SOS2: variants seen among roughly 807,000 people sequenced by gnomAD.
SOS2 encodes the protein son of sevenless homolog 2.
In SOS2, 65 loss-of-function variants were observed where a neutral mutation model predicts 148.2. The observed-to-expected ratio is 0.44, with a 90% confidence interval of 0.36 to 0.54. The LOEUF (loss-of-function observed/expected upper bound fraction) is 0.54. Among genes scored for constraint, SOS2 ranks in the 20% least tolerant of loss-of-function variants. The pLI is 0.00. For missense variants in SOS2, 1,341 were observed against 1,590.2 expected (o/e 0.84, Z 2.67); for synonymous variants, 539 against 537.1 (o/e 1.00, Z -0.05).
intron 7 of SOS2, among the ~76,000 whole-genome samples, chr14:50,178,670 G>GTGTGTGTATA (rs1566839555): frequency 4.4e-5 from 3 of 67,964 alleles, no homozygotes; most frequent in African/African-American, 1.2e-4. Context: ...GTGTGTGTGT[G>GTGTGTGTATA]CATATATATA....
At chr14:50,138,120 C>T (rs565167639) in intron 18 of SOS2, among the ~76,000 whole-genome samples, 24 of 150,136 alleles carry the variant, frequency 1.6e-4, no homozygotes, top group African/African-American at 4.6e-4. Flanking sequence ...TGATTACAGG[C>T]GTGAGCCACC....
At chr14:50,184,408 C>T (rs892199986) in intron 5 of SOS2, among the ~76,000 whole-genome samples, 1 of 152,092 alleles carries the variant, frequency 6.6e-6, no homozygotes, top group Non-Finnish European at 1.5e-5. Flanking sequence ...GCCCCTAAAA[C>T]GCTAAGAATA....
At chr14:50,194,453 A>ATTTT (rs58933204) in intron 4 of SOS2, among the ~76,000 whole-genome samples, 17 of 98,736 alleles carry the variant, frequency 1.7e-4, no homozygotes, top group African/African-American at 6.4e-4. Flanking sequence ...ATCCCTTTCA[A>ATTTT]TTTTTTTTTT....
intron 16 of SOS2, among the ~76,000 whole-genome samples, chr14:50,142,463 A>T (rs530756211): frequency 5.3e-5 from 8 of 152,348 alleles, no homozygotes; most frequent in South Asian, 4.1e-4. Flanking sequence ...TAAATAAATA[A>T]TGTTAAAAGA....
chr14:50,117,372 A>G lies in SOS2; in HGVS notation c.*972T>C, dbSNP rs1021629456. The G allele has an allele frequency of 1.3e-5, 2 of 152,210 alleles. No homozygotes were observed. Among genetic ancestry groups the G allele is most frequent in the Non-Finnish European group, 2.9e-5 (2 of 68,038 alleles). The allele number at this position is 152,210 out of a possible 1,614,324, so 9.4% of individuals were successfully genotyped here. On this transcript the variant is annotated 3_prime_UTR_variant, in exon 23 of 23. Transcript: ENST00000216373. ...AAGCTTTAAGTATTTGCTGGTTTAA[A>G]TATTACCAATCTAAAAAATATATTT...
chr14:50,155,059 A>G (rs1884771724), intron 12 of SOS2, among the ~76,000 whole-genome samples: 1 of 151,192 alleles, frequency 6.6e-6, no homozygotes, highest in Non-Finnish European at 1.5e-5. Context: ...AAATTCATAC[A>G]AAAAAATGAA....
At chr14:50,221,214 T>C (rs1342223701) in intron 1 of SOS2, among the ~76,000 whole-genome samples, 1 of 152,174 alleles carries the variant, frequency 6.6e-6, no homozygotes, top group East Asian at 1.9e-4. Context: ...TTCTAATTTA[T>C]GGAAGAAAAA....
intron 16 of SOS2, among the ~76,000 whole-genome samples, 190 bp from the exon 17 acceptor site, chr14:50,140,249 C>T (rs1293867781): frequency 6.6e-6 from 1 of 151,946 alleles, no homozygotes; most frequent in Non-Finnish European, 1.5e-5. Context: ...AATATAAAAC[C>T]CATAATTTAC....
Position 50,158,604 on chromosome 14 carries a change from A to C in SOS2, c.1895T>G (p.Phe632Cys), listed in dbSNP as rs373142212. ...GCTCAGCAATTCCTGTGGTTTACAA[A>C]ATGAACGATATGTGGTAAGAAAAGT... ...VRTFLTTYRS[F>C]CKPQELLSLL... The change falls in exon 11 of 23, where the codon TTT becomes TGT. Residue 632 changes from phenylalanine (F) to cysteine (C), a missense_variant. By Grantham distance (205) the Phe-to-Cys change is radical. Coordinates refer to ENST00000216373, the MANE Select transcript of SOS2 (RefSeq NM_006939.4). 1 of 1,610,072 alleles carries C rather than the reference A, an allele frequency of 6.2e-7. No homozygotes were observed. The highest frequency in any genetic ancestry group is 8.5e-7 in the Non-Finnish European group (1 of 1,177,818).
At chr14:50,164,557 G>C (rs1030328635) in intron 8 of SOS2, among the ~76,000 whole-genome samples, 2 of 151,910 alleles carry the variant, frequency 1.3e-5, no homozygotes, top group Admixed American at 1.3e-4. Context: ...CTTGAACCTA[G>C]GAGGTGGAGA....
At chr14:50,153,374 T>C (rs756543863) in intron 12 of SOS2, among the ~76,000 whole-genome samples, 1 of 151,840 alleles carries the variant, frequency 6.6e-6, no homozygotes, top group African/African-American at 2.4e-5. Flanking sequence ...TATTTATTAA[T>C]AAAATGTATA....
At chr14:50,210,008 G>C (rs887789091) in intron 1 of SOS2, among the ~76,000 whole-genome samples, 1 of 152,120 alleles carries the variant, frequency 6.6e-6, no homozygotes, top group Non-Finnish European at 1.5e-5. Flanking sequence ...TGCTAAAAAT[G>C]CCAAGATAAT....
chr14:50,204,895 TTTTTC>T (rs35572555), intron 1 of SOS2, among the ~76,000 whole-genome samples: 162 of 31,632 alleles, frequency 5.1e-3, no homozygotes, highest in African/African-American at 0.018. Context: ...TTTTTCTTTT[TTTTTC>T]TTTCTTTTTT....
At chr14:50,187,349 T>A (rs1885948030) in intron 5 of SOS2, among the ~76,000 whole-genome samples, 1 of 141,648 alleles carries the variant, frequency 7.1e-6, no homozygotes, top group South Asian at 2.3e-4. Context: ...TTGTTACTTT[T>A]TTTTTTTTTT....
intron 1 of SOS2, among the ~76,000 whole-genome samples, chr14:50,212,011 T>C (rs536907411): frequency 1.3e-5 from 2 of 152,256 alleles, no homozygotes; most frequent in South Asian, 2.1e-4. Flanking sequence ...AAAATGTGGA[T>C]GCACCCTGAA....
intron 7 of SOS2, among the ~76,000 whole-genome samples, chr14:50,179,781 C>T (rs1047354402): frequency 9.9e-5 from 15 of 152,068 alleles, no homozygotes; most frequent in African/African-American, 3.1e-4. Context: ...TGTATCTCTC[C>T]ACTTATTTTC....
chr14:50,124,354 T>C (rs1031402485), intron 21 of SOS2, among the ~76,000 whole-genome samples: 13 of 152,160 alleles, frequency 8.5e-5, no homozygotes, highest in African/African-American at 3.1e-4. Flanking sequence ...GTAGGATGAA[T>C]CTTCATGCAT....
At chr14:50,164,881 C>T (rs1457453045) in intron 8 of SOS2, among the ~76,000 whole-genome samples, 2 of 152,092 alleles carry the variant, frequency 1.3e-5, no homozygotes, top group East Asian at 1.9e-4. Flanking sequence ...AAAAGTAACA[C>T]AAATAACTCC....
rs36076916 is a variant in SOS2, at chr14:50,189,102, C to CAT, written c.511-403_511-402insAT. On this transcript the variant is annotated intron_variant, in intron 4 of 22. Transcript: ENST00000216373. ...ACACACACACACACACACACACACA[C>CAT]GCACACACAAATATTACACAATGAG... Among the ~76,000 whole-genome samples, 980 of 145,392 alleles carry CAT rather than the reference C, an allele frequency of 6.7e-3. 14 individuals carry two copies. The highest frequency in any genetic ancestry group is 0.023 in the African/African-American group (872 of 38,242).
Sources: gnomAD v4.1 joint callset for allele counts (sites outside exome capture counted in the v4.1 genomes callset) on GRCh38, gnomAD v4.1.1 for gene constraint, MANE v1.5 for transcripts, NCBI Gene and HGNC (gene_info 2026-07-23, HGNC 2026-07-21) for gene names.